The following DNAI3 variants were observed in gnomAD, a reference collection of about 807,000 sequenced individuals.
DNAI3 encodes the protein dynein axonemal intermediate chain 3, also known as WD repeat domain 63.
In DNAI3, 83 loss-of-function variants were observed where a neutral mutation model predicts 115.5. The ratio of observed to expected loss-of-function variants is 0.72; its 90% CI spans 0.60 to 0.86. The LOEUF is 0.86. Ranked by LOEUF, DNAI3 falls within the 40% of genes least tolerant of loss-of-function variation. The pLI, the probability that DNAI3 is intolerant of heterozygous loss-of-function variation, is 0.00. For synonymous variants in DNAI3, 320 were observed against 347.0 expected (o/e 0.92, Z 0.86); for missense variants, 1,004 against 1,075.8 (o/e 0.93, Z 0.93).
intron 21 of DNAI3, 30 bp from the exon 22 acceptor site, chr1:85,129,960 C>T (rs1403602486): frequency 1.3e-6 from 2 of 1,594,026 alleles, no homozygotes; most frequent in Admixed American, 3.6e-5. Context: ...TCCTGCCTGT[C>T]ACCCTCTCAT....
At chr1:85,075,168 C>T (rs1447471897) in intron 3 of DNAI3, among the ~76,000 whole-genome samples, 1 of 152,128 alleles carries the variant, frequency 6.6e-6, no homozygotes. Context: ...GCTGGGATTA[C>T]AGGTGTGAGC....
At chr1:85,067,403 T>A (rs1348967919) in intron 1 of DNAI3, among the ~76,000 whole-genome samples, 1 of 152,212 alleles carries the variant, frequency 6.6e-6, no homozygotes, top group Non-Finnish European at 1.5e-5. Context: ...TTGCCAAAAA[T>A]TTGACTTTGT....
Position 85,071,948 on chromosome 1 carries a change from CCAAAA to C in DNAI3, c.13_17del (p.Gln5GlufsTer17), listed in dbSNP as rs1557705659. The C allele has an allele frequency of 8.7e-6, 14 of 1,611,470 alleles. No individual in the cohort carries two copies. Among genetic ancestry groups the C allele is most frequent in the Non-Finnish European group, 1.0e-5 (12 of 1,179,402 alleles). On this transcript the variant is annotated frameshift_variant, in exon 2 of 23. Transcript: ENST00000294664. LOFTEE classifies it high-confidence loss of function. ...TGCAGCCCAAGTCAGAACCATGGCTCCAAAACAAAAGAAAAAGACATCACGTGGCA... is the reference window on the plus strand; with the variant it reads ...TGCAGCCCAAGTCAGAACCATGGCTCCAAAAGAAAAAGACATCACGTGGCA...
At chr1:85,063,630 A>G (rs939882885) in intron 1 of DNAI3, among the ~76,000 whole-genome samples, 2 of 152,210 alleles carry the variant, frequency 1.3e-5, no homozygotes, top group African/African-American at 4.8e-5. Context: ...TTGCATTTCA[A>G]ATGAGCTCCA....
intron 5 of DNAI3, among the ~76,000 whole-genome samples, chr1:85,083,215 C>T (rs1467198094): frequency 6.6e-6 from 1 of 152,174 alleles, no homozygotes; most frequent in Admixed American, 6.5e-5. Flanking sequence ...CTAGGCTGGG[C>T]ACAGTGGCTC....
At chr1:85,104,120 CTTTTT>C (rs1203756791) in intron 13 of DNAI3, among the ~76,000 whole-genome samples, 16 of 133,514 alleles carry the variant, frequency 1.2e-4, no homozygotes, top group African/African-American at 2.2e-4. Context: ...GTGGTATGTC[CTTTTT>C]TTTTTTTTTT....
At chr1:85,088,839 T>G (rs766307208) in intron 7 of DNAI3, among the ~76,000 whole-genome samples, 4 of 151,512 alleles carry the variant, frequency 2.6e-5, no homozygotes, top group African/African-American at 4.9e-5. Flanking sequence ...ATCATTTTGT[T>G]TTTTTTTTAC....
Position 85,117,762 on chromosome 1 carries a change from C to T in DNAI3, c.1820C>T (p.Ala607Val), listed in dbSNP as rs1252082429. ...TTAGCACAGAGCAAAACAGAGAAGG[C>T]AGAAGAAATGAACCCGTATCATAAT... is the stretch of plus-strand genomic sequence containing the variant. ...KMLAQSKTEK[A>V]EEMNPYHNLE... The change falls in exon 17 of 23, where the codon GCA (alanine) becomes GTA (valine). Residue 607 changes from alanine to valine, a missense_variant. By Grantham distance (64) the Ala-to-Val change is moderately conservative. Around this residue, in one of 3 missense-constraint regions of DNAI3, gnomAD observed 429 missense variants for 454.3 expected, o/e 0.94. Coordinates refer to ENST00000294664, the MANE Select transcript of DNAI3 (RefSeq NM_145172.5). 1 of 1,613,738 alleles carries T rather than the reference C, an allele frequency of 6.2e-7. No homozygotes were observed. The highest frequency in any genetic ancestry group is 1.7e-5 in the Admixed American group (1 of 60,018).
chr1:85,119,071 AATAAAT>A (rs1450616584), intron 17 of DNAI3, among the ~76,000 whole-genome samples: 5 of 152,226 alleles, frequency 3.3e-5, no homozygotes, highest in Non-Finnish European at 7.3e-5. Context: ...AACACTACCA[AATAAAT>A]ATGTGCTTTA....
chr1:85,067,631 C>G (rs900897976), intron 1 of DNAI3, among the ~76,000 whole-genome samples: 3 of 152,160 alleles, frequency 2.0e-5, no homozygotes, highest in African/African-American at 7.2e-5. Flanking sequence ...AAATTAAGAT[C>G]AGCGGAACTT....
intron 3 of DNAI3, among the ~76,000 whole-genome samples, chr1:85,073,889 C>G (rs1256087733): frequency 6.6e-6 from 1 of 151,972 alleles, no homozygotes; most frequent in Admixed American, 6.6e-5. Flanking sequence ...TGACCTGGGC[C>G]AGGGCAGTAG....
rs1654623564 is a variant in DNAI3 at position 85,081,252 on chromosome 1, C to T, written c.122C>T (p.Pro41Leu). 1 of 1,583,772 alleles carries T rather than the reference C, an allele frequency of 6.3e-7. No individual in the cohort carries two copies. The highest frequency in any genetic ancestry group is 1.2e-5 in the South Asian group (1 of 84,462). The change falls in exon 4 of 23, where the codon CCT (proline) becomes CTT (leucine). Residue 41 changes from proline (P) to leucine (L), a missense_variant. Physicochemically the swap from Pro to Leu is moderately conservative, Grantham distance 98 (BLOSUM62 -3). Coordinates refer to ENST00000294664, the MANE Select transcript of DNAI3 (RefSeq NM_145172.5). Reference sequence around the variant, plus strand: ...TTCCTAGGTCATCCAGAAATTTATCCTTTAGTATTAACCACCAAGACCCAA... The same window carrying T: ...TTCCTAGGTCATCCAGAAATTTATCTTTTAGTATTAACCACCAAGACCCAA... ...MESMGHPEIY[P>L]LVLTTKTQEI... is the part of the protein sequence containing the mutation.
intron 13 of DNAI3, among the ~76,000 whole-genome samples, chr1:85,101,799 A>C (rs1655328660): frequency 6.6e-6 from 1 of 151,646 alleles, no homozygotes; most frequent in South Asian, 2.1e-4. Flanking sequence ...AAAATAGAGT[A>C]TCAGACTCTG....
intron 16 of DNAI3, 150 bp downstream of exon 16, chr1:85,110,285 A>G (rs1655615333): frequency 1.7e-6 from 1 of 596,588 alleles, no homozygotes; most frequent in African/African-American, 1.9e-5. Flanking sequence ...CCCCGTCTCT[A>G]CTAAAACTAC....
intron 21 of DNAI3, among the ~76,000 whole-genome samples, chr1:85,129,088 A>G (rs1242482044): frequency 2.6e-5 from 4 of 152,096 alleles, no homozygotes; most frequent in African/African-American, 2.4e-5. Flanking sequence ...ATTGTAACCG[A>G]AGTGTGGGGT....
At chr1:85,093,350 A>G (rs1303489688) in intron 8 of DNAI3, 108 bp from the exon 9 acceptor site, 10 of 985,634 alleles carry the variant, frequency 1.0e-5, no homozygotes, top group Admixed American at 2.7e-5. Context: ...ATTGAGAATT[A>G]TTATTTTTTG....
At chr1:85,085,264 G>C (rs1358760726) in intron 6 of DNAI3, among the ~76,000 whole-genome samples, 2 of 152,194 alleles carry the variant, frequency 1.3e-5, no homozygotes, top group Non-Finnish European at 2.9e-5. Flanking sequence ...AGTTTCTGTT[G>C]TTTTAGGCCA....
intron 16 of DNAI3, among the ~76,000 whole-genome samples, chr1:85,113,722 T>C (rs1557722945): frequency 1.3e-5 from 2 of 152,168 alleles, no homozygotes; most frequent in Non-Finnish European, 2.9e-5. Context: ...TTGTTATGCA[T>C]AAAAAGCTAG....
At chr1:85,101,592 G>C (rs1421974222) in intron 13 of DNAI3, among the ~76,000 whole-genome samples, 2 of 151,818 alleles carry the variant, frequency 1.3e-5, no homozygotes, top group Non-Finnish European at 2.9e-5. Flanking sequence ...GCCGGGCGTG[G>C]TGGCGGGCGC....
Sources: gnomAD v4.1 joint callset for allele counts (sites outside exome capture counted in the v4.1 genomes callset) on GRCh38, gnomAD v4.1.1 for gene constraint, gnomAD v4.1.1 regional missense constraint, MANE v1.5 for transcripts, NCBI Gene and HGNC (gene_info 2026-07-23, HGNC 2026-07-21) for gene names.